The following SAXO1 variants were observed in gnomAD, a reference collection of about 807,000 sequenced individuals.
SAXO1 encodes stabilizer of axonemal microtubules 1, also known as 4930500O09Rik.
SAXO1 carries 21 observed loss-of-function variants against 17.5 expected under a neutral mutation model. The observed-to-expected ratio is 1.20, with a 90% CI of 0.85 to 1.72. The LOEUF is 1.72. SAXO1 is among the 40% of genes most tolerant of loss of function. The pLI is 0.00. For missense variants in SAXO1, 843 were observed against 596.0 expected (o/e 1.41, Z -4.32); for synonymous variants, 274 against 216.5 (o/e 1.27, Z -2.33).
intron 1 of SAXO1, among the ~76,000 whole-genome samples, chr9:18,960,481 T>A (rs7041619): frequency 0.16 from 23,577 of 152,086 alleles, 3,881 homozygotes; most frequent in African/African-American, 0.42. Context: ...GGACCCCCTG[T>A]CAGGTCCATA....
intron 1 of SAXO1, among the ~76,000 whole-genome samples, chr9:18,958,041 G>C (rs1182392693): frequency 6.6e-6 from 1 of 152,168 alleles, no homozygotes; most frequent in Non-Finnish European, 1.5e-5. Context: ...CGTCTGTAGA[G>C]ATCTTTAAAG....
At chr9:18,930,695 C>G (rs1831003763) in intron 3 of SAXO1, among the ~76,000 whole-genome samples, 1 of 152,196 alleles carries the variant, frequency 6.6e-6, no homozygotes, top group Non-Finnish European at 1.5e-5. Flanking sequence ...GACGGTGTTT[C>G]TCCGTGTTGG....
Position 18,934,049 on chromosome 9 carries a change from A to AAATAAT in SAXO1, c.422-5000_422-4995dup, listed in dbSNP as rs67844726. Among the ~76,000 whole-genome samples the AAATAAT allele has an allele frequency of 6.6e-4, 100 of 151,716 alleles. 1 individual carries two copies. The highest frequency in any genetic ancestry group is 2.3e-3 in the Admixed American group (35 of 15,248). On this transcript the variant is annotated intron_variant, in intron 3 of 3. Coordinates refer to ENST00000380534, the MANE Select transcript of SAXO1 (RefSeq NM_153707.4). Reference sequence around the variant, plus strand: ...GTGACAGAGCGAGACTCCGTCTCAAAAATAATAATAATAATAATAATAATG... The same window carrying AAATAAT: ...GTGACAGAGCGAGACTCCGTCTCAAAAATAATAATAATAATAATAATAATAATAATG...
In SAXO1 at chr9:18,941,644, AG is replaced by A; in HGVS notation, c.413del (p.Thr138IlefsTer42). 6.2e-7 allele frequency: 1 copy of A among 1,614,130 alleles called. No homozygotes were observed. The highest frequency in any genetic ancestry group is 8.5e-7 in the Non-Finnish European group (1 of 1,180,020). Reference sequence around the variant, plus strand: ...CCCTCTGTGCTCTCCCACCTTTATAAGTAGGCAAACACTCCATCTTGTCGCT... The same window carrying A: ...CCCTCTGTGCTCTCCCACCTTTATAATAGGCAAACACTCCATCTTGTCGCT... ...PCSDKMECLP[T>X]YKADYLPWNQ... On this transcript the variant is annotated frameshift_variant, in exon 3 of 4. Transcript: ENST00000380534. LOFTEE classifies it low-confidence loss of function (END_TRUNC).
chr9:19,005,913 A>T (rs117077573), intron 1 of SAXO1, among the ~76,000 whole-genome samples: 1,632 of 152,318 alleles, frequency 0.011, 16 homozygotes, highest in Non-Finnish European at 0.016. Flanking sequence ...CCCATGAAAA[A>T]CAAAATCAAT....
chr9:18,941,792 T>C lies in SAXO1; in HGVS notation c.266A>G (p.Tyr89Cys), dbSNP rs768329253. 6.2e-7 allele frequency: 1 copy of C among 1,614,192 alleles called. No homozygotes were observed. Among genetic ancestry groups the C allele is most frequent in the East Asian group, 2.2e-5 (1 of 44,886 alleles). Residue 89 changes from tyrosine to cysteine, a missense_variant, in exon 3 of 4, where the codon TAT (tyrosine) becomes TGT (cysteine). Coordinates refer to ENST00000380534, the MANE Select transcript of SAXO1 (RefSeq NM_153707.4). ...HKVAPVKVHQ[Y>C]DQFVPSEENM... ...CTCTTCACTCGGGACGAACTGGTCATACTGGTGGACCTTCACTGGTGCCAC... is the reference window on the plus strand; with the variant it reads ...CTCTTCACTCGGGACGAACTGGTCACACTGGTGGACCTTCACTGGTGCCAC...
rs145950728 is a variant in SAXO1, at chr9:19,044,397, C to G, written c.-158+4812G>C. Among the ~76,000 whole-genome samples the G allele has an allele frequency of 2.5e-3, 380 of 152,268 alleles. 1 individual carries two copies. The highest frequency in any genetic ancestry group is 8.9e-3 in the African/African-American group (369 of 41,558). On this transcript the variant is annotated intron_variant, in intron 1 of 3. Transcript: ENST00000542071. ...TTTTAGATTAAGATCTCTCCTATTT[C>G]CAAGAAAGCTGGCAGATTGAACACA... is the stretch of plus-strand genomic sequence containing the variant.
chr9:18,948,327 C>G (rs10116465), intron 2 of SAXO1, among the ~76,000 whole-genome samples: 90 of 152,196 alleles, frequency 5.9e-4, no homozygotes, highest in South Asian at 1.5e-3. Flanking sequence ...CCCTTTACTT[C>G]TCTTTTTAGG....
At chr9:19,034,014 T>C (rs1166378273), upstream of SAXO1, among the ~76,000 whole-genome samples, 1 of 152,200 alleles carries the variant, frequency 6.6e-6, no homozygotes, top group Non-Finnish European at 1.5e-5. Context: ...TCAAAACCTC[T>C]AGTCCGGGAA....
At chr9:18,938,867 T>TGTGTGTGTGTATGTG (rs1831426583) in intron 3 of SAXO1, among the ~76,000 whole-genome samples, 2 of 151,274 alleles carry the variant, frequency 1.3e-5, no homozygotes, top group Admixed American at 6.6e-5. Context: ...TGTGTGTGTG[T>TGTGTGTGTGTATGTG]TGAGCGGTAA....
rs879485157 is a variant in SAXO1 at position 19,045,628 on chromosome 9, A to T, written c.-158+3581T>A. 2.0e-5 allele frequency among the ~76,000 whole-genome samples: 3 copies of T among 152,344 alleles called. No homozygotes were observed. In the East Asian group the frequency reaches 5.8e-4, roughly 29 times the overall value. ...CTTATACACACCCCATCCCAGTAGAAGAATCCTGGGAGAATCTAACCAGCC... is the reference window on the plus strand; with the variant it reads ...CTTATACACACCCCATCCCAGTAGATGAATCCTGGGAGAATCTAACCAGCC... On this transcript the variant is annotated intron_variant, in intron 1 of 3. Transcript: ENST00000542071.
chr9:18,964,232 C>A (rs1322364068), intron 1 of SAXO1, among the ~76,000 whole-genome samples: 1 of 152,088 alleles, frequency 6.6e-6, no homozygotes, highest in East Asian at 1.9e-4. Context: ...CTGAAATTTT[C>A]TTTTTTTGTT....
At chr9:18,947,228 A>G (rs796496757) in intron 2 of SAXO1, among the ~76,000 whole-genome samples, 10 of 152,296 alleles carry the variant, frequency 6.6e-5, no homozygotes, top group African/African-American at 2.2e-4. Flanking sequence ...TCTTTGAACA[A>G]AAAATATATA....
At chr9:18,960,664 T>C (rs1392243443) in intron 1 of SAXO1, among the ~76,000 whole-genome samples, 1 of 152,026 alleles carries the variant, frequency 6.6e-6, no homozygotes, top group African/African-American at 2.4e-5. Context: ...GTGCCTGTAG[T>C]CCCAGCTACT....
At chr9:18,954,771 C>T (rs573043279) in intron 1 of SAXO1, among the ~76,000 whole-genome samples, 7 of 152,300 alleles carry the variant, frequency 4.6e-5, no homozygotes, top group African/African-American at 1.4e-4. Context: ...GGATAGGCGT[C>T]TATCACTTCC....
At chr9:18,995,885 GC>G (rs1833980487) in intron 1 of SAXO1, among the ~76,000 whole-genome samples, 1 of 152,050 alleles carries the variant, frequency 6.6e-6, no homozygotes, top group Non-Finnish European at 1.5e-5. Flanking sequence ...TTTGAGACCA[GC>G]CTGGCCAACG....
At chr9:18,961,403 T>C (rs1234526861) in intron 1 of SAXO1, among the ~76,000 whole-genome samples, 4 of 152,186 alleles carry the variant, frequency 2.6e-5, no homozygotes, top group Non-Finnish European at 4.4e-5. Flanking sequence ...GTTTGTTACA[T>C]AGGTATACAT....
At chr9:18,993,710 G>A (rs1489285395) in intron 1 of SAXO1, among the ~76,000 whole-genome samples, 4 of 152,172 alleles carry the variant, frequency 2.6e-5, no homozygotes, top group South Asian at 2.1e-4. Context: ...AAGGCAAGGC[G>A]AACCAACAGT....
Position 18,927,912 on chromosome 9 carries a change from T to C in SAXO1, c.*140A>G. The C allele has an allele frequency of 1.1e-6, 1 of 881,694 alleles. No homozygotes were observed. The highest frequency in any genetic ancestry group is 1.7e-6 in the Non-Finnish European group (1 of 595,256). The allele number at this position is 881,694 out of a possible 1,614,324, so 54.6% of individuals were successfully genotyped here. A position where few individuals can be genotyped will look rare whatever the true frequency, so the allele number is the denominator to read the frequency against. ...CCTGAGTCAAGTGATTCTCATTTTA[T>C]TCAAGTGCTCTGGAAGTGGTGAAGG... On this transcript the variant is annotated 3_prime_UTR_variant, in exon 4 of 4. Transcript: ENST00000380534.
Sources: allele counts gnomAD v4.1 joint callset (sites outside exome capture counted in the v4.1 genomes callset), GRCh38; gene constraint gnomAD v4.1.1; transcripts MANE v1.5; gene names NCBI Gene and HGNC (gene_info 2026-07-23, HGNC 2026-07-21).